The following TNRC6B variants were observed in gnomAD, a reference collection of about 807,000 sequenced individuals.
TNRC6B encodes the protein trinucleotide repeat-containing gene 6B protein.
Under a neutral mutation model 203.6 loss-of-function variants are expected in TNRC6B, and 52 were observed. The ratio of observed to expected loss-of-function variants is 0.26; its 90% CI spans 0.20 to 0.32. The LOEUF is 0.32. TNRC6B is among the 10% of genes least tolerant of loss of function. The pLI is 1.00. For synonymous variants in TNRC6B, 838 were observed against 845.7 expected, an observed-to-expected ratio of 0.99 and a Z score of 0.16; for missense variants, 1,923 against 2,286.2, an observed-to-expected ratio of 0.84 and a Z score of 3.24.
rs1183965028 is a variant in TNRC6B, at chr22:40,266,163, A to G, written c.1933A>G (p.Lys645Glu). 6.2e-7 allele frequency: 1 copy of G among 1,613,834 alleles called. No individual in the cohort carries two copies. The highest frequency in any genetic ancestry group is 8.5e-7 in the Non-Finnish European group (1 of 1,179,828). Residue 645 changes from lysine (K) to glutamate (E), a missense_variant, in exon 5 of 23, where the codon AAA (lysine) becomes GAA (glutamate). Physicochemically the swap from Lys to Glu is moderately conservative, Grantham distance 56 (BLOSUM62 1). Transcript: ENST00000454349. ...TGAAGAGGTGCCAAGGCCTGAGGGGAAATCTGACAAAGGAACTGAGGGGTG... is the reference window on the plus strand; with the variant it reads ...TGAAGAGGTGCCAAGGCCTGAGGGGGAATCTGACAAAGGAACTGAGGGGTG... ...DIEEVPRPEG[K>E]SDKGTEGWES...
chr22:40,082,387 A>G (rs2068069690), intron 1 of TNRC6B, among the ~76,000 whole-genome samples: 1 of 152,196 alleles, frequency 6.6e-6, no homozygotes, highest in East Asian at 1.9e-4. Flanking sequence ...AGCATGTACC[A>G]AGCCATAGGA....
intron 21 of TNRC6B, among the ~76,000 whole-genome samples, chr22:40,319,422 C>CTTTTTTTTTT (rs374148213): frequency 4.4e-5 from 5 of 112,704 alleles, no homozygotes; most frequent in African/African-American, 6.2e-5. Flanking sequence ...CTTTTCTTTT[C>CTTTTTTTTTT]TTTTTTTTTT....
rs1215600046 is a variant in TNRC6B, at chr22:40,270,191, G to C, written c.2876G>C (p.Ser959Thr). ...TSAWGEPNES[S>T]PGWGEMDDTG... ...GCTTGGGGTGAGCCAAATGAAAGCAGTCCTGGGTGGGGCGAGATGGATGAT... is the reference window on the plus strand; with the variant it reads ...GCTTGGGGTGAGCCAAATGAAAGCACTCCTGGGTGGGGCGAGATGGATGAT... The change falls in exon 6 of 23, where the codon AGT becomes ACT. Residue 959 changes from serine (S) to threonine (T), a missense_variant. Physicochemically the swap from Ser to Thr is moderately conservative, Grantham distance 58. Around this residue, in one of 8 missense-constraint regions of TNRC6B, gnomAD observed 599 missense variants for 656.5 expected, o/e 0.91. Transcript: ENST00000454349. 1.9e-6 allele frequency: 3 copies of C among 1,570,922 alleles called. No individual in the cohort carries two copies. Among genetic ancestry groups the C allele is most frequent in the Non-Finnish European group, 2.6e-6 (3 of 1,157,444 alleles).
At chr22:40,294,719 T>C (rs1168138131) in intron 12 of TNRC6B, among the ~76,000 whole-genome samples, 14 of 152,220 alleles carry the variant, frequency 9.2e-5, no homozygotes, top group Admixed American at 9.2e-4. Flanking sequence ...ATACTCACCC[T>C]CCTTTCCCCC....
intron 4 of TNRC6B, among the ~76,000 whole-genome samples, chr22:40,169,868 G>A (rs2068955141): frequency 1.3e-5 from 2 of 152,112 alleles, no homozygotes; most frequent in African/African-American, 4.8e-5. Flanking sequence ...TATTAAATAT[G>A]TGGATTTATC....
chr22:40,274,667 C>T (rs559441383), intron 7 of TNRC6B, among the ~76,000 whole-genome samples: 43 of 152,182 alleles, frequency 2.8e-4, no homozygotes, highest in Admixed American at 2.0e-3. Context: ...TGATCCCGTC[C>T]ACCTCGGCCT....
chr22:40,174,681 C>T (rs545597066), upstream of TNRC6B, among the ~76,000 whole-genome samples: 7 of 151,930 alleles, frequency 4.6e-5, no homozygotes, highest in South Asian at 1.5e-3. Context: ...AAAAATTAGC[C>T]GAGCGTGGTG....
At chr22:40,306,060 A>G (rs2071084164) in intron 15 of TNRC6B, among the ~76,000 whole-genome samples, 1 of 152,146 alleles carries the variant, frequency 6.6e-6, no homozygotes. Flanking sequence ...TGAGAGACCG[A>G]GGCGGGCGGC....
At chr22:40,296,595 G>A (rs997291046) in intron 12 of TNRC6B, among the ~76,000 whole-genome samples, 13 of 150,706 alleles carry the variant, frequency 8.6e-5, no homozygotes, top group Admixed American at 1.3e-4. Flanking sequence ...GCTTCCCAAA[G>A]TGCTGGGATT....
chr22:40,289,863 T>C (rs979608767), intron 12 of TNRC6B, among the ~76,000 whole-genome samples: 1 of 152,234 alleles, frequency 6.6e-6, no homozygotes, highest in African/African-American at 2.4e-5. Flanking sequence ...CACCCCACAC[T>C]GCCCTCAAAA....
Position 40,148,506 on chromosome 22 carries a change from T to A in TNRC6B, c.46-7609T>A, listed in dbSNP as rs1432586897. ...ACCATGTTGGCCAGGATGATCTCAA[T>A]CTCTTGACCTTGTGATCTGCCCGCC... is the stretch of plus-strand genomic sequence containing the variant. On this transcript the variant is annotated intron_variant, in intron 3 of 23. Transcript: ENST00000301923. 4.6e-5 allele frequency among the ~76,000 whole-genome samples: 7 copies of A among 152,148 alleles called. 1 individual carries two copies. The East Asian group carries it at 5.8e-4, about 13-fold the overall frequency.
intron 1 of TNRC6B, among the ~76,000 whole-genome samples, chr22:40,093,536 G>T: frequency 6.6e-6 from 1 of 152,216 alleles, no homozygotes; most frequent in East Asian, 1.9e-4. Context: ...AGAAAAAGCA[G>T]ACTGCAGACT....
At chr22:40,252,968 C>T (rs78239359) in intron 3 of TNRC6B, among the ~76,000 whole-genome samples, 2,874 of 152,196 alleles carry the variant, frequency 0.019, 40 homozygotes, top group Non-Finnish European at 0.031. Flanking sequence ...TGGTTGGGTT[C>T]CTAGGCCTGG....
intron 1 of TNRC6B, among the ~76,000 whole-genome samples, chr22:40,185,625 A>G (rs1205754302): frequency 2.0e-5 from 3 of 152,060 alleles, no homozygotes; most frequent in African/African-American, 2.4e-5. Context: ...GTGTCCAGGG[A>G]GGATTGAGGG....
At chr22:40,111,736 CTG>C (rs2068337038) in intron 1 of TNRC6B, among the ~76,000 whole-genome samples, 3 of 152,130 alleles carry the variant, frequency 2.0e-5, no homozygotes, top group African/African-American at 7.2e-5. Flanking sequence ...GTTCTAAAGA[CTG>C]TAAGAAAGGT....
chr22:40,296,282 G>A (rs971068085), intron 12 of TNRC6B, among the ~76,000 whole-genome samples: 1 of 151,592 alleles, frequency 6.6e-6, no homozygotes, highest in African/African-American at 2.4e-5. Context: ...TCAGAAATGG[G>A]AAAGAAGCAC....
intron 3 of TNRC6B, among the ~76,000 whole-genome samples, chr22:40,147,138 A>G (rs2068702452): frequency 6.6e-6 from 1 of 152,272 alleles, no homozygotes; most frequent in Non-Finnish European, 1.5e-5. Context: ...AAACTCTGAC[A>G]CATGCTACAA....
At chr22:40,133,083 A>G (rs2068567358) in intron 3 of TNRC6B, among the ~76,000 whole-genome samples, 3 of 148,510 alleles carry the variant, frequency 2.0e-5, no homozygotes, top group Admixed American at 6.9e-5. Flanking sequence ...TTTGGCATTT[A>G]TGTGCTTATA....
chr22:40,138,318 T>G (rs2068617716), intron 3 of TNRC6B, among the ~76,000 whole-genome samples: 1 of 152,232 alleles, frequency 6.6e-6, no homozygotes, highest in African/African-American at 2.4e-5. Flanking sequence ...CAGACTATTG[T>G]GTAGTGGTAT....
Sources: gnomAD v4.1 joint callset for allele counts (sites outside exome capture counted in the v4.1 genomes callset) on GRCh38, gnomAD v4.1.1 for gene constraint, gnomAD v4.1.1 regional missense constraint, MANE v1.5 for transcripts, NCBI Gene and HGNC (gene_info 2026-07-23, HGNC 2026-07-21) for gene names.